ESRRB: variants seen among roughly 807,000 people sequenced by gnomAD.
ESRRB encodes the protein estrogen related receptor beta.
Under a neutral mutation model 46.0 loss-of-function variants are expected in ESRRB, and 16 were observed. The ratio of observed to expected loss-of-function variants is 0.35; its 90% CI spans 0.24 to 0.53. The LOEUF (loss-of-function observed/expected upper bound fraction) is 0.53. Ranked by LOEUF, ESRRB falls within the 20% of genes least tolerant of loss-of-function variation. ESRRB has a pLI of 0.93. For missense variants in ESRRB, 488 were observed against 607.4 expected, an observed-to-expected ratio of 0.80 and a Z score of 2.07; for synonymous variants, 246 against 259.6, an observed-to-expected ratio of 0.95 and a Z score of 0.50.
chr14:76,448,249 G>T (rs1187182276), intron 2 of ESRRB, among the ~76,000 whole-genome samples: 1 of 151,166 alleles, frequency 6.6e-6, no homozygotes, highest in Non-Finnish European at 1.5e-5. Flanking sequence ...TTCTCCCACT[G>T]TATGGTTATT....
intron 1 of ESRRB, among the ~76,000 whole-genome samples, chr14:76,354,706 CTTTTTTT>C (rs59146659): frequency 2.1e-4 from 23 of 111,434 alleles, no homozygotes; most frequent in African/African-American, 5.9e-4. Flanking sequence ...AGGTCCTGGG[CTTTTTTT>C]TTTTTTTTTT....
chr14:76,408,285 A>G (rs12432324), intron 1 of ESRRB, among the ~76,000 whole-genome samples: 8,145 of 152,216 alleles, frequency 0.054, 453 homozygotes, highest in East Asian at 0.28. Context: ...TTAACTGTTA[A>G]ATGATGTCCC....
chr14:76,341,491 G>A (rs760121461), intron 1 of ESRRB, among the ~76,000 whole-genome samples: 1 of 152,210 alleles, frequency 6.6e-6, no homozygotes, highest in East Asian at 1.9e-4. Flanking sequence ...CAGGCCCTGC[G>A]GGCTGACATT....
intron 2 of ESRRB, among the ~76,000 whole-genome samples, chr14:76,459,910 G>C (rs1411343684): frequency 3.9e-5 from 6 of 152,002 alleles, no homozygotes; most frequent in Admixed American, 3.9e-4. Context: ...AGAGGGAGAG[G>C]GGGAGAGAGG....
At chr14:76,388,474 T>A (rs1461202224) in intron 1 of ESRRB, among the ~76,000 whole-genome samples, 1 of 151,620 alleles carries the variant, frequency 6.6e-6, no homozygotes, top group Non-Finnish European at 1.5e-5. Flanking sequence ...CGTGAGCCAC[T>A]GCACCCGGCC....
At chr14:76,315,777 G>A (rs974079317) in intron 1 of ESRRB, among the ~76,000 whole-genome samples, 5 of 152,154 alleles carry the variant, frequency 3.3e-5, no homozygotes, top group African/African-American at 1.2e-4. Context: ...TCATCCTCCA[G>A]TGGGCTATTC....
chr14:76,485,680 A>C (rs949058674), intron 5 of ESRRB, among the ~76,000 whole-genome samples: 2 of 151,866 alleles, frequency 1.3e-5, no homozygotes, highest in African/African-American at 2.4e-5. Flanking sequence ...AGAGAGAGAG[A>C]GAGCTGGTTG....
intron 3 of ESRRB, among the ~76,000 whole-genome samples, chr14:76,481,461 C>T (rs1889801976): frequency 6.6e-6 from 1 of 152,174 alleles, no homozygotes; most frequent in African/African-American, 2.4e-5. Flanking sequence ...GTGGCCAGCC[C>T]AACTGTTGCA....
chr14:76,443,219 A>T (rs1247422950), intron 2 of ESRRB, among the ~76,000 whole-genome samples: 3 of 152,184 alleles, frequency 2.0e-5, no homozygotes, highest in Non-Finnish European at 4.4e-5. Flanking sequence ...GAAACCCCAG[A>T]CCTCAGTTTT....
rs1311304430 is a variant in ESRRB at position 76,500,228 on chromosome 14, G to C, written c.*1770G>C. On this transcript the variant is annotated 3_prime_UTR_variant, in exon 7 of 7. Transcript: ENST00000644823. ...CAAACTGCAGAGCAGCTCTCTGATG[G>C]TGTCCCACACAGAAAATGTTAAGGA... 1 of 628,514 alleles carries C rather than the reference G, an allele frequency of 1.6e-6. No homozygotes were observed. Among genetic ancestry groups the C allele is most frequent in the Non-Finnish European group, 2.8e-6 (1 of 358,550 alleles). The allele number at this position is 628,514 out of a possible 1,614,324, so 38.9% of individuals were successfully genotyped here.
intron 1 of ESRRB, among the ~76,000 whole-genome samples, chr14:76,402,585 G>C (rs563786959): frequency 1.3e-5 from 2 of 152,208 alleles, no homozygotes; most frequent in Admixed American, 6.5e-5. Flanking sequence ...CAAGAAAGCG[G>C]TCTGTCCATG....
intron 1 of ESRRB, among the ~76,000 whole-genome samples, chr14:76,330,319 C>T (rs2139736025): frequency 6.6e-6 from 1 of 152,318 alleles, no homozygotes; most frequent in Middle Eastern, 3.4e-3. Flanking sequence ...AACTCCTGGA[C>T]CTACGTTTTC....
At chr14:76,370,226 A>G, upstream of ESRRB, among the ~76,000 whole-genome samples, 1 of 25,792 alleles carries the variant, frequency 3.9e-5, no homozygotes, top group Non-Finnish European at 9.7e-5. Flanking sequence ...CATCCCTGCT[A>G]AAAAAAAAAA....
At chr14:76,433,962 A>ATTT (rs35905714) in intron 1 of ESRRB, among the ~76,000 whole-genome samples, 8 of 133,018 alleles carry the variant, frequency 6.0e-5, no homozygotes, top group Admixed American at 7.8e-5. Context: ...CTGCCTTTAC[A>ATTT]TTTTTTTTTT....
At chr14:76,427,923 C>G (rs1364964023) in intron 1 of ESRRB, among the ~76,000 whole-genome samples, 4 of 152,236 alleles carry the variant, frequency 2.6e-5, no homozygotes, top group African/African-American at 9.6e-5. Flanking sequence ...CCACAAAGCT[C>G]TCTGGCCCAG....
chr14:76,424,375 G>T (rs1191109591), intron 1 of ESRRB, among the ~76,000 whole-genome samples: 1 of 152,146 alleles, frequency 6.6e-6, no homozygotes, highest in Non-Finnish European at 1.5e-5. Flanking sequence ...TTCCTATGTG[G>T]GTTCTGCTCC....
intron 6 of ESRRB, among the ~76,000 whole-genome samples, chr14:76,494,368 G>A (rs1025103932): frequency 2.0e-5 from 3 of 149,712 alleles, no homozygotes; most frequent in Admixed American, 6.7e-5. Flanking sequence ...ATGCAGTGGT[G>A]CAATCTCGGC....
intron 1 of ESRRB, among the ~76,000 whole-genome samples, chr14:76,328,628 C>T (rs994038349): frequency 2.0e-5 from 3 of 151,350 alleles, no homozygotes; most frequent in Non-Finnish European, 2.9e-5. Context: ...ACCAGCTATG[C>T]GGCAACACCC....
At chr14:76,407,116 C>T (rs941137339) in intron 1 of ESRRB, among the ~76,000 whole-genome samples, 2 of 152,336 alleles carry the variant, frequency 1.3e-5, no homozygotes, top group South Asian at 2.1e-4. Flanking sequence ...GATGTGCCGT[C>T]GGCCCCAGGA....
Sources: gnomAD v4.1 joint callset for allele counts (sites outside exome capture counted in the v4.1 genomes callset) on GRCh38, gnomAD v4.1.1 for gene constraint, MANE v1.5 for transcripts, NCBI Gene and HGNC (gene_info 2026-07-23, HGNC 2026-07-21) for gene names.